TAFA1: variants seen among roughly 807,000 people sequenced by gnomAD.
TAFA1 encodes TAFA chemokine like family member 1.
Under a neutral mutation model 18.5 loss-of-function variants are expected in TAFA1, and 4 were observed. The observed-to-expected ratio is 0.22, with a 90% CI of 0.11 to 0.49. The LOEUF is 0.49. TAFA1 is among the 20% of genes least tolerant of loss of function. The probability of loss-of-function intolerance (pLI) is 0.98; values close to 1 mark genes in which losing one functional copy is unlikely to be tolerated. For missense variants in TAFA1, 147 were observed against 169.0 expected, an observed-to-expected ratio of 0.87 and a Z score of 0.72; for synonymous variants, 56 against 55.2, an observed-to-expected ratio of 1.01 and a Z score of -0.06.
intron 2 of TAFA1, among the ~76,000 whole-genome samples, chr3:68,065,042 G>T (rs2064656190): frequency 6.6e-6 from 1 of 152,080 alleles, no homozygotes. Context: ...TAAGGCTATA[G>T]ATTTTAAGCT....
At chr3:68,370,624 G>A (rs565885874) in intron 2 of TAFA1, among the ~76,000 whole-genome samples, 2 of 147,036 alleles carry the variant, frequency 1.4e-5, no homozygotes, top group East Asian at 4.0e-4. Flanking sequence ...TTACAAGTAG[G>A]ATGATGGAGT....
chr3:68,409,484 C>T (rs2070672490), intron 2 of TAFA1, among the ~76,000 whole-genome samples: 1 of 152,110 alleles, frequency 6.6e-6, no homozygotes, highest in African/African-American at 2.4e-5. Context: ...ATTTCCCCTG[C>T]ACTCTCTCTC....
At chr3:68,170,831 A>G (rs1219064543) in intron 2 of TAFA1, among the ~76,000 whole-genome samples, 4 of 151,850 alleles carry the variant, frequency 2.6e-5, no homozygotes, top group Admixed American at 1.3e-4. Context: ...AGACATAGAG[A>G]CTTCTATGGA....
chr3:68,136,174 C>T (rs1010156439), intron 2 of TAFA1, among the ~76,000 whole-genome samples: 1 of 152,120 alleles, frequency 6.6e-6, no homozygotes, highest in African/African-American at 2.4e-5. Context: ...ACTAAGGCAA[C>T]ACATGATAGA....
At chr3:68,494,040 T>C (rs898549529) in intron 3 of TAFA1, among the ~76,000 whole-genome samples, 2 of 152,234 alleles carry the variant, frequency 1.3e-5, no homozygotes, top group African/African-American at 4.8e-5. Flanking sequence ...AAATTAGGAC[T>C]AATGATATCA....
intron 2 of TAFA1, among the ~76,000 whole-genome samples, chr3:68,223,054 G>T (rs1458045018): frequency 6.6e-6 from 1 of 152,060 alleles, no homozygotes; most frequent in Non-Finnish European, 1.5e-5. Context: ...ATATGACAAT[G>T]CTTTGAGGCT....
At chr3:68,360,210 A>G (rs906527486) in intron 2 of TAFA1, among the ~76,000 whole-genome samples, 1 of 151,958 alleles carries the variant, frequency 6.6e-6, no homozygotes, top group African/African-American at 2.4e-5. Flanking sequence ...ACAGATCCTC[A>G]TAGAGGTGTG....
chr3:68,273,056 T>G (rs1420275495), intron 2 of TAFA1, among the ~76,000 whole-genome samples: 3 of 151,776 alleles, frequency 2.0e-5, no homozygotes, highest in African/African-American at 7.3e-5. Flanking sequence ...CCAAAATAAA[T>G]AACTGCAAAT....
At position 68,487,106 on chromosome 3, in the gene TAFA1, G is replaced by A. The variant is rs546180404; in HGVS notation, c.260-51650G>A. Among the ~76,000 whole-genome samples, 304 of 152,284 alleles carry A rather than the reference G, an allele frequency of 2.0e-3. 4 individuals are homozygous for A. Among genetic ancestry groups the A allele is most frequent in the Non-Finnish European group, 1.7e-3 (117 of 68,018 alleles). On this transcript the variant is annotated intron_variant, in intron 3 of 4. Coordinates refer to ENST00000478136, the MANE Select transcript of TAFA1 (RefSeq NM_213609.4). ...GAAATGTTATGATGGTCCAGAGAGC[G>A]TTTGAAACATCAGAATTTAATTGCA... is the stretch of plus-strand genomic sequence containing the variant.
intron 2 of TAFA1, among the ~76,000 whole-genome samples, chr3:68,367,823 A>G (rs2106807836): frequency 6.6e-6 from 1 of 152,262 alleles, no homozygotes; most frequent in Non-Finnish European, 1.5e-5. Flanking sequence ...TGGGATATAA[A>G]AGTTCTAATA....
intron 2 of TAFA1, among the ~76,000 whole-genome samples, chr3:68,370,353 T>TATATATATATACAC (rs776307736): frequency 2.4e-5 from 1 of 41,118 alleles, no homozygotes; most frequent in African/African-American, 1.1e-4. Context: ...TATATATATA[T>TATATATATATACAC]ACACACACAC....
At chr3:68,524,971 G>A (rs772585088) in intron 3 of TAFA1, among the ~76,000 whole-genome samples, 54 of 152,124 alleles carry the variant, frequency 3.5e-4, no homozygotes, top group Middle Eastern at 3.4e-3. Context: ...GCGCCCGGCC[G>A]TTTCTAGGTT....
intron 2 of TAFA1, among the ~76,000 whole-genome samples, chr3:68,033,411 T>C (rs1704978355): frequency 6.6e-6 from 1 of 152,196 alleles, no homozygotes; most frequent in Non-Finnish European, 1.5e-5. Flanking sequence ...ATTATAAAGG[T>C]TGTACTTTTT....
At position 68,175,519 on chromosome 3, in the gene TAFA1, C is replaced by G. The variant is rs549622361; in HGVS notation, c.118+168775C>G. Among the ~76,000 whole-genome samples, 60 of 152,302 alleles carry G rather than the reference C, an allele frequency of 3.9e-4. 1 individual carries two copies. The highest frequency in any genetic ancestry group is 1.4e-3 in the African/African-American group (57 of 41,576). On this transcript the variant is annotated intron_variant, in intron 2 of 4. Coordinates refer to ENST00000478136, the MANE Select transcript of TAFA1 (RefSeq NM_213609.4). ...GGATTCAAAGGAGATCATTTTGGAG[C>G]TTTAAGATTCGTCTGCCCTGCTGGA...
chr3:68,388,900 T>C (rs1482978022), intron 2 of TAFA1, among the ~76,000 whole-genome samples: 1 of 152,214 alleles, frequency 6.6e-6, no homozygotes, highest in Non-Finnish European at 1.5e-5. Context: ...ACTTCAGCTT[T>C]ACTTTGAAAT....
At chr3:68,046,994 T>C (rs1300110455) in intron 2 of TAFA1, among the ~76,000 whole-genome samples, 1 of 152,214 alleles carries the variant, frequency 6.6e-6, no homozygotes, top group Non-Finnish European at 1.5e-5. Context: ...AGCACTGTGT[T>C]TAATATTTGA....
intron 3 of TAFA1, among the ~76,000 whole-genome samples, chr3:68,507,592 A>G (rs1270958604): frequency 6.6e-6 from 1 of 152,108 alleles, no homozygotes; most frequent in Non-Finnish European, 1.5e-5. Flanking sequence ...TATGGAGCTC[A>G]CAAGATTTTT....
chr3:68,392,077 G>C (rs1237008952), intron 2 of TAFA1, among the ~76,000 whole-genome samples: 1 of 150,028 alleles, frequency 6.7e-6, no homozygotes, highest in Admixed American at 6.7e-5. Flanking sequence ...ATTGGATAAA[G>C]AGTCAACACC....
chr3:68,397,713 G>A (rs942585115), intron 2 of TAFA1, among the ~76,000 whole-genome samples: 3 of 152,136 alleles, frequency 2.0e-5, no homozygotes, highest in Non-Finnish European at 4.4e-5. Flanking sequence ...GGTATTTCTT[G>A]TTCTAGATCC....
Sources: allele counts gnomAD v4.1 joint callset (sites outside exome capture counted in the v4.1 genomes callset), GRCh38; gene constraint gnomAD v4.1.1; transcripts MANE v1.5; gene names NCBI Gene and HGNC (gene_info 2026-07-23, HGNC 2026-07-21).